The following PCDHGA5 variants were observed in gnomAD, a reference collection of about 807,000 sequenced individuals.
PCDHGA5 encodes protocadherin gamma subfamily A, 5, also known as protocadherin gamma-A5.
PCDHGA5 carries 36 observed loss-of-function variants against 56.7 expected under a neutral mutation model. The observed-to-expected ratio is 0.64, with a 90% confidence interval of 0.49 to 0.84. PCDHGA5 has a LOEUF of 0.84. Among genes scored for constraint, PCDHGA5 ranks in the 40% least tolerant of loss-of-function variants. The pLI is 0.00. For synonymous variants in PCDHGA5, 563 were observed against 520.2 expected, an observed-to-expected ratio of 1.08 and a Z score of -1.12; for missense variants, 1,305 against 1,201.5, an observed-to-expected ratio of 1.09 and a Z score of -1.27.
At chr5:141,402,091 G>A (rs1453803021) in intron 1 of PCDHGA5, among the ~76,000 whole-genome samples, 2 of 152,204 alleles carry the variant, frequency 1.3e-5, no homozygotes, top group African/African-American at 4.8e-5. Context: ...TAGCAGAAAA[G>A]TTTAAGCAAT....
intron 1 of PCDHGA5, among the ~76,000 whole-genome samples, chr5:141,447,450 C>G (rs540357899): frequency 1.3e-5 from 2 of 152,082 alleles, no homozygotes; most frequent in African/African-American, 2.4e-5. Context: ...AATTTTTAAC[C>G]TCAGTTTTTC....
intron 1 of PCDHGA5, chr5:141,387,869 G>A (rs772536133): frequency 6.3e-7 from 1 of 1,590,306 alleles, no homozygotes; most frequent in Non-Finnish European, 8.5e-7. Context: ...TGAGCAAGCT[G>A]AGGAGAGCAA....
intron 1 of PCDHGA5, chr5:141,421,248 C>G: frequency 1.2e-6 from 2 of 1,604,936 alleles, no homozygotes; most frequent in Middle Eastern, 1.7e-4. Flanking sequence ...GGCTACAGCG[C>G]GGGGACCGCA....
chr5:141,393,577 T>C (rs781192019), intron 1 of PCDHGA5: 1 of 1,613,890 alleles, frequency 6.2e-7, no homozygotes, highest in Admixed American at 1.7e-5. Flanking sequence ...CTTGAGAACA[T>C]GCCCCCAGGC....
rs759346998 is a variant in PCDHGA5 at position 141,410,849 on chromosome 5, CTTTTT to C, written c.2421+44116_2421+44120del. On this transcript the variant is annotated intron_variant, in intron 1 of 3. Transcript: ENST00000518069. ...CAGACTGAAGATATTTTGTCTTTGT[CTTTTT>C]TTTTTTTTTTTTTTTTTGAGATGGA... 1.3e-3 allele frequency: 178 copies of C among 137,948 alleles called. 1 individual carries two copies. Among genetic ancestry groups the C allele is most frequent in the East Asian group, 2.3e-3 (10 of 4,422 alleles). 8.5% of individuals were successfully genotyped at this position (137,948 alleles called of 1,614,324 possible). A position where few individuals can be genotyped will look rare whatever the true frequency, so the allele number is the denominator to read the frequency against.
At chr5:141,415,288 T>C in intron 1 of PCDHGA5, 6 of 1,614,202 alleles carry the variant, frequency 3.7e-6, no homozygotes, top group Non-Finnish European at 5.1e-6. Flanking sequence ...GGCCGCGGTC[T>C]CCTGCGTCTT....
intron 1 of PCDHGA5, chr5:141,409,616 G>T: frequency 6.2e-7 from 1 of 1,613,882 alleles, no homozygotes; most frequent in African/African-American, 1.3e-5. Context: ...AGCCTCCATT[G>T]CGCAAGTGAG....
intron 1 of PCDHGA5, chr5:141,393,440 C>G (rs777552488): frequency 6.2e-7 from 1 of 1,614,042 alleles, no homozygotes; most frequent in Admixed American, 1.7e-5. Context: ...CTGCTCACCA[C>G]CTGGTCCTCA....
At chr5:141,389,582 T>G (rs1266016569) in intron 1 of PCDHGA5, 7 of 1,613,028 alleles carry the variant, frequency 4.3e-6, no homozygotes, top group Non-Finnish European at 5.1e-6. Flanking sequence ...CCGCGCTGGG[T>G]CCCGACGGCT....
intron 1 of PCDHGA5, among the ~76,000 whole-genome samples, chr5:141,435,946 A>C (rs953432473): frequency 6.6e-6 from 1 of 152,174 alleles, no homozygotes; most frequent in Non-Finnish European, 1.5e-5. Flanking sequence ...CTGAGACCAA[A>C]AAAGGGGGCA....
chr5:141,414,828 G>T (rs780047810), intron 1 of PCDHGA5: 1 of 1,614,210 alleles, frequency 6.2e-7, no homozygotes, highest in East Asian at 2.2e-5. Context: ...GCAACGTGTC[G>T]TTGAGCCTGT....
intron 1 of PCDHGA5, chr5:141,392,972 G>T: frequency 6.2e-7 from 1 of 1,613,920 alleles, no homozygotes. Context: ...AGGACCTGGG[G>T]CTGGACCCCC....
At chr5:141,382,959 G>A (rs994078805) in intron 1 of PCDHGA5, 3 of 1,607,324 alleles carry the variant, frequency 1.9e-6, no homozygotes, top group African/African-American at 1.3e-5. Flanking sequence ...CCATCCTCCT[G>A]GGGACCCCCT....
intron 2 of PCDHGA5, among the ~76,000 whole-genome samples, chr5:141,499,102 C>T (rs1172661012): frequency 1.3e-5 from 2 of 152,170 alleles, no homozygotes; most frequent in Admixed American, 6.5e-5. Context: ...TGCTTCTCCT[C>T]CCCACCACTA....
Position 141,438,619 on chromosome 5 carries a change from T to C in PCDHGA5, c.2422-56188T>C, listed in dbSNP as rs1053855444. Reference sequence around the variant, plus strand: ...ATATATATATATATATATATATATATATATATATATATATATACACACACA... The same window carrying C: ...ATATATATATATATATATATATATACATATATATATATATATACACACACA... On this transcript the variant is annotated intron_variant, in intron 1 of 3. Transcript: ENST00000518069. 1.0e-4 allele frequency among the ~76,000 whole-genome samples: 4 copies of C among 39,678 alleles called. No homozygotes were observed. The East Asian group carries it at 2.5e-3, about 25-fold the overall frequency. The allele number at this position is 39,678 out of a possible 152,430, so 26.0% of individuals were successfully genotyped here.
chr5:141,373,102 C>T (rs182664411), intron 1 of PCDHGA5, among the ~76,000 whole-genome samples: 60 of 152,332 alleles, frequency 3.9e-4, no homozygotes, highest in Admixed American at 3.5e-3. Flanking sequence ...CATTTTCAGA[C>T]ATATCTATCC....
At chr5:141,394,710 C>T in intron 1 of PCDHGA5, 1 of 1,613,354 alleles carries the variant, frequency 6.2e-7, no homozygotes. Context: ...GCGAGCCCTG[C>T]TGGACAGAGA....
At chr5:141,375,607 C>T in intron 1 of PCDHGA5, 1 of 1,614,216 alleles carries the variant, frequency 6.2e-7, no homozygotes, top group East Asian at 2.2e-5. Context: ...TGTCCATCAA[C>T]TCCGACACTG....
chr5:141,383,838 C>T, intron 1 of PCDHGA5: 1 of 1,613,892 alleles, frequency 6.2e-7, no homozygotes, highest in East Asian at 2.2e-5. Flanking sequence ...AAGAAACTGC[C>T]TTCTATGAAA....
Sources: allele counts gnomAD v4.1 joint callset (sites outside exome capture counted in the v4.1 genomes callset), GRCh38; gene constraint gnomAD v4.1.1; transcripts MANE v1.5; gene names NCBI Gene and HGNC (gene_info 2026-07-23, HGNC 2026-07-21).